ITGAL: variants seen among roughly 807,000 people sequenced by gnomAD.
ITGAL encodes integrin subunit alpha L, also known as integrin alpha-L.
Under a neutral mutation model 138.4 loss-of-function variants are expected in ITGAL, and 68 were observed. The ratio of observed to expected loss-of-function variants is 0.49; its 90% CI spans 0.40 to 0.60. The LOEUF (loss-of-function observed/expected upper bound fraction) is 0.60. Among genes scored for constraint, ITGAL ranks in the 20% least tolerant of loss-of-function variants. ITGAL has a pLI of 0.00. For synonymous variants in ITGAL, 561 were observed against 584.3 expected (o/e 0.96, Z 0.57); for missense variants, 1,256 against 1,478.6 (o/e 0.85, Z 2.47).
chr16:30,499,712 T>TATATATGTGTATATATATATAC (rs1226341333), intron 17 of ITGAL, among the ~76,000 whole-genome samples: 2 of 43,826 alleles, frequency 4.6e-5, no homozygotes, highest in African/African-American at 7.3e-5. Context: ...TATATATATA[T>TATATATGTGTATATATATATAC]GTATATATAT....
intron 9 of ITGAL, among the ~76,000 whole-genome samples, chr16:30,484,739 C>T (rs376156262): frequency 2.1e-4 from 32 of 152,064 alleles, no homozygotes; most frequent in East Asian, 1.7e-3. Flanking sequence ...GCCAACATGG[C>T]GAAACCCCGT....
rs551002941 is a variant in ITGAL, at chr16:30,521,372, A to G, written c.3340-120A>G. ...CAGTGAGCCGAGATCGCACCACTGC[A>G]CTCCAGCCTGGGCAACACAGTGAGA... On this transcript the variant is annotated intron_variant, in intron 30 of 30. Transcript: ENST00000356798. 2,367 of 789,012 alleles carry G rather than the reference A, an allele frequency of 3.0e-3. 5 individuals carry two copies. Among genetic ancestry groups the G allele is most frequent in the Non-Finnish European group, 3.5e-3 (1,767 of 501,790 alleles). The allele number at this position is 789,012 out of a possible 1,614,324, so 48.9% of individuals were successfully genotyped here. A position where few individuals can be genotyped will look rare whatever the true frequency, so the allele number is the denominator to read the frequency against.
intron 9 of ITGAL, among the ~76,000 whole-genome samples, chr16:30,485,597 T>C (rs1404178371): frequency 6.6e-6 from 1 of 151,612 alleles, no homozygotes; most frequent in Non-Finnish European, 1.5e-5. Flanking sequence ...TGATCACAGC[T>C]CACTGCAGCC....
intron 29 of ITGAL, chr16:30,519,637 G>A (rs922090879): frequency 1.7e-5 from 9 of 534,294 alleles, no homozygotes; most frequent in East Asian, 6.5e-5. Flanking sequence ...GTGCGATTCC[G>A]GGGAAGCCAT....
At chr16:30,502,466 G>T (rs936041963) in intron 17 of ITGAL, among the ~76,000 whole-genome samples, 1 of 150,112 alleles carries the variant, frequency 6.7e-6, no homozygotes, top group South Asian at 2.1e-4. Flanking sequence ...TTCATAAAAG[G>T]CCAGGCATGG....
At chr16:30,506,984 A>G in intron 21 of ITGAL, 128 bp downstream of exon 21, 1 of 995,622 alleles carries the variant, frequency 1.0e-6, no homozygotes, top group South Asian at 1.5e-5. Flanking sequence ...TCTTAGGGTC[A>G]TATCTGGGTT....
At chr16:30,477,982 G>A (rs970031842) in intron 4 of ITGAL, among the ~76,000 whole-genome samples, 1 of 150,564 alleles carries the variant, frequency 6.6e-6, no homozygotes, top group Admixed American at 6.7e-5. Context: ...GGAGGAGAGA[G>A]AGATAGGAAG....
rs534113555 is a variant in ITGAL, at chr16:30,505,109, C to A, written c.2236-135C>A. ...GCAGAGTGGGGCAGCCCTGGAAAGG[C>A]AGCTGGCTCCTGGGCAGGGCCAACC... On this transcript the variant is annotated intron_variant, in intron 18 of 30. Coordinates refer to ENST00000356798, the MANE Select transcript of ITGAL (RefSeq NM_002209.3). 5.3e-5 allele frequency: 38 copies of A among 713,764 alleles called. No homozygotes were observed. The African/African-American group carries it at 6.0e-4, about 11-fold the overall frequency. The allele number at this position is 713,764 out of a possible 1,614,324, so 44.2% of individuals were successfully genotyped here. A position where few individuals can be genotyped will look rare whatever the true frequency, so the allele number is the denominator to read the frequency against.
At chr16:30,497,658 T>C (rs929389672) in intron 15 of ITGAL, among the ~76,000 whole-genome samples, 2 of 151,862 alleles carry the variant, frequency 1.3e-5, no homozygotes, top group African/African-American at 4.8e-5. Context: ...TTTGTATTTT[T>C]AGTAGAGACG....
intron 17 of ITGAL, among the ~76,000 whole-genome samples, chr16:30,500,868 T>G (rs1280191977): frequency 1.3e-5 from 2 of 152,014 alleles, no homozygotes; most frequent in Non-Finnish European, 2.9e-5. Flanking sequence ...GCTGCGTGTG[T>G]TGGCACATGC....
chr16:30,495,490 C>T (rs2050786563), intron 13 of ITGAL, among the ~76,000 whole-genome samples: 1 of 152,074 alleles, frequency 6.6e-6, no homozygotes, highest in African/African-American at 2.4e-5. Context: ...GATATGACCT[C>T]CCTTTCCTCA....
At position 30,521,838 on chromosome 16, in the gene ITGAL, C is replaced by A; in HGVS notation, c.*173C>A. On this transcript the variant is annotated 3_prime_UTR_variant, in exon 31 of 31. Transcript: ENST00000356798. ...TTCCTGCCTGTCTCCTTTGCAGGCTCATAGGGAAGACCTGCTGAGGGACCA... is the reference window on the plus strand; with the variant it reads ...TTCCTGCCTGTCTCCTTTGCAGGCTAATAGGGAAGACCTGCTGAGGGACCA... 1.5e-6 allele frequency: 1 copy of A among 647,228 alleles called. No individual in the cohort carries two copies. The highest frequency in any genetic ancestry group is 2.6e-6 in the Non-Finnish European group (1 of 387,650). The allele number at this position is 647,228 out of a possible 1,614,324, so 40.1% of individuals were successfully genotyped here.
chr16:30,482,032 C>G (rs2050568729), intron 7 of ITGAL, among the ~76,000 whole-genome samples: 1 of 152,058 alleles, frequency 6.6e-6, no homozygotes, highest in Admixed American at 6.6e-5. Context: ...GCTGGGATTA[C>G]AGACCTGTGC....
chr16:30,503,335 A>G (rs2050933499), intron 17 of ITGAL, among the ~76,000 whole-genome samples: 1 of 152,094 alleles, frequency 6.6e-6, no homozygotes, highest in Non-Finnish European at 1.5e-5. Flanking sequence ...GCAGTGTGAC[A>G]TGGTGGAAAG....
intron 6 of ITGAL, chr16:30,480,601 C>G (rs1389793887): frequency 6.6e-6 from 1 of 152,168 alleles, no homozygotes; most frequent in African/African-American, 2.4e-5. Flanking sequence ...CATGAGGGAG[C>G]AAGGTTTATT....
At chr16:30,482,937 C>A (rs1484501642) in intron 7 of ITGAL, among the ~76,000 whole-genome samples, 1 of 152,114 alleles carries the variant, frequency 6.6e-6, no homozygotes, top group African/African-American at 2.4e-5. Flanking sequence ...AGCGATCCTC[C>A]TGTCTCAGCC....
At position 30,494,858 on chromosome 16, in the gene ITGAL, C is replaced by T; in HGVS notation, c.1503+8C>T. 6.3e-7 allele frequency: 1 copy of T among 1,584,976 alleles called. No homozygotes were observed. Among genetic ancestry groups the T allele is most frequent in the Non-Finnish European group, 8.6e-7 (1 of 1,160,346 alleles). On this transcript the variant is annotated splice_region_variant and intron_variant, in intron 13 of 30. Transcript: ENST00000356798. The surrounding 1 kb of genome is among the most constrained non-coding windows in gnomAD (Gnocchi z 4.2). ...ATCTACCAGAGAAGACAGGTGGGGC[C>T]AGGATCTGGAGCTGAGAGGGAGGAG...
Position 30,505,274 on chromosome 16 carries a change from C to T in ITGAL, c.2266C>T (p.Pro756Ser). The change falls in exon 19 of 31, where the codon CCC becomes TCC. Residue 756 changes from proline (P) to serine (S), a missense_variant. By Grantham distance (74) the Pro-to-Ser change is moderately conservative. Around this residue, in one of 3 missense-constraint regions of ITGAL, gnomAD observed 867 missense variants for 972.5 expected, o/e 0.89. Transcript: ENST00000356798. ...QGKDIPPILR[P>S]SLHSETWEIP... is the part of the protein sequence containing the mutation. Reference sequence around the variant, plus strand: ...CAAGGACATACCGCCCATCCTGAGACCCTCCCTGCACTCGGAAACCTGGGA... The same window carrying T: ...CAAGGACATACCGCCCATCCTGAGATCCTCCCTGCACTCGGAAACCTGGGA... 6.2e-7 allele frequency: 1 copy of T among 1,611,920 alleles called. No homozygotes were observed. The highest frequency in any genetic ancestry group is 8.5e-7 in the Non-Finnish European group (1 of 1,179,048).
rs1225279554 is a variant in ITGAL at position 30,479,113 on chromosome 16, G to A, written c.350G>A (p.Arg117Gln). The change falls in exon 5 of 31, where the codon CGA becomes CAA. Residue 117 changes from arginine to glutamine, a missense_variant. Around this residue, in one of 3 missense-constraint regions of ITGAL, gnomAD observed 212 missense variants for 217.4 expected, o/e 0.98. Coordinates refer to ENST00000356798, the MANE Select transcript of ITGAL (RefSeq NM_002209.3). Reference sequence around the variant, plus strand: ...TAGGCCTGTGACCCTGGGCTGTCTCGAACGTGTGACCAGAACACCTATCTG... The same window carrying A: ...TAGGCCTGTGACCCTGGGCTGTCTCAAACGTGTGACCAGAACACCTATCTG... ...SILACDPGLS[R>Q]TCDQNTYLSG... 5 of 1,614,014 alleles carry A rather than the reference G, an allele frequency of 3.1e-6. No homozygotes were observed. The highest frequency in any genetic ancestry group is 2.2e-5 in the East Asian group (1 of 44,874).
Sources: gnomAD v4.1 joint callset for allele counts (sites outside exome capture counted in the v4.1 genomes callset) on GRCh38, gnomAD v4.1.1 for gene constraint, gnomAD v4.1.1 regional missense constraint, Gnocchi (gnomAD v3.1) non-coding constraint, MANE v1.5 for transcripts, NCBI Gene and HGNC (gene_info 2026-07-23, HGNC 2026-07-21) for gene names.